LRP1B: variants seen among roughly 807,000 people sequenced by gnomAD.
LRP1B encodes the protein low-density lipoprotein receptor-related protein 1B.
Under a neutral mutation model 556.6 loss-of-function variants are expected in LRP1B, and 217 were observed. That is an observed-to-expected ratio of 0.39 (90% confidence interval 0.35 to 0.44). LRP1B has a LOEUF of 0.44. Among genes scored for constraint, LRP1B ranks in the 20% least tolerant of loss-of-function variants. The pLI is 1.00. For missense variants in LRP1B, 5,053 were observed against 5,620.8 expected, an observed-to-expected ratio of 0.90 and a Z score of 3.23; for synonymous variants, 2,047 against 1,865.8, an observed-to-expected ratio of 1.10 and a Z score of -2.50.
chr2:141,865,622 A>G (rs1288348841), intron 1 of LRP1B, among the ~76,000 whole-genome samples: 4 of 151,802 alleles, frequency 2.6e-5, no homozygotes, highest in Admixed American at 2.6e-4. Context: ...AAAAAAAAGA[A>G]AAAAAGACAG....
At chr2:142,025,360 G>T (rs1703469293) in intron 1 of LRP1B, among the ~76,000 whole-genome samples, 1 of 152,164 alleles carries the variant, frequency 6.6e-6, no homozygotes, top group East Asian at 1.9e-4. Context: ...ACACTTTCAA[G>T]TCAGACCATG....
At chr2:140,816,801 T>C (rs988900986) in intron 31 of LRP1B, among the ~76,000 whole-genome samples, 29 of 152,210 alleles carry the variant, frequency 1.9e-4, no homozygotes, top group Non-Finnish European at 4.3e-4. Flanking sequence ...AATATAGATA[T>C]ATATAGAAGT....
chr2:141,135,791 A>T (rs945013756), intron 7 of LRP1B, among the ~76,000 whole-genome samples: 8 of 151,918 alleles, frequency 5.3e-5, no homozygotes, highest in Admixed American at 1.3e-4. Context: ...CAGTTACAAT[A>T]TTTTAAATCA....
chr2:141,256,229 G>A (rs976625900), intron 3 of LRP1B, among the ~76,000 whole-genome samples: 1 of 151,966 alleles, frequency 6.6e-6, no homozygotes. Flanking sequence ...AAGTATGAGA[G>A]TTTGGATAGA....
intron 37 of LRP1B, among the ~76,000 whole-genome samples, chr2:140,709,780 T>C (rs1324615972): frequency 2.6e-5 from 4 of 152,094 alleles, no homozygotes; most frequent in Non-Finnish European, 4.4e-5. Flanking sequence ...TCCTATGATA[T>C]AAATTTTGAC....
intron 35 of LRP1B, among the ~76,000 whole-genome samples, chr2:140,764,195 T>C (rs865800927): frequency 1.3e-5 from 2 of 152,256 alleles, no homozygotes; most frequent in Middle Eastern, 3.4e-3. Context: ...CTCATTTGAG[T>C]GTCACTATCT....
chr2:141,277,925 T>G (rs1482496112), intron 3 of LRP1B, among the ~76,000 whole-genome samples: 1 of 152,054 alleles, frequency 6.6e-6, no homozygotes, highest in Non-Finnish European at 1.5e-5. Context: ...AATCCCAAAA[T>G]AAAATACAAT....
chr2:140,238,183 A>G lies in LRP1B; in HGVS notation c.13529T>C (p.Leu4510Ser). The G allele has an allele frequency of 6.2e-7, 1 of 1,605,004 alleles. No homozygotes were observed. The highest frequency in any genetic ancestry group is 8.5e-7 in the Non-Finnish European group (1 of 1,174,424). Residue 4510 changes from leucine to serine, a missense_variant, in exon 89 of 91, where the codon TTA becomes TCA. Leu to Ser is a moderately radical substitution (Grantham distance 145, BLOSUM62 -2). Coordinates refer to ENST00000389484, the MANE Select transcript of LRP1B (RefSeq NM_018557.3). ...VDHDHNDGGL[L>S]DPGFMIDPTK... ...TGGGTCTATCATAAAGCCAGGATCT[A>G]AAAGACCTCCATCGTTGTGATCATG...
intron 3 of LRP1B, among the ~76,000 whole-genome samples, chr2:141,256,391 G>A (rs1465308723): frequency 2.0e-5 from 3 of 151,906 alleles, no homozygotes; most frequent in East Asian, 1.9e-4. Context: ...AAATGAGAGC[G>A]AGACTGGAAT....
chr2:141,924,927 G>C (rs575583750), intron 1 of LRP1B, among the ~76,000 whole-genome samples: 4 of 152,246 alleles, frequency 2.6e-5, no homozygotes, highest in African/African-American at 9.6e-5. Context: ...TTTCCTCAGA[G>C]AATGGAAGGT....
chr2:141,221,529 TAAAAC>T (rs1043813799), intron 6 of LRP1B, among the ~76,000 whole-genome samples: 7 of 151,560 alleles, frequency 4.6e-5, no homozygotes, highest in Non-Finnish European at 1.0e-4. Context: ...CAGATTGAGA[TAAAAC>T]AAAGACATTC....
At chr2:141,900,595 G>A (rs1303994688) in intron 1 of LRP1B, among the ~76,000 whole-genome samples, 1 of 151,888 alleles carries the variant, frequency 6.6e-6, no homozygotes, top group Non-Finnish European at 1.5e-5. Context: ...TTTACTCATT[G>A]CCATGCCTGT....
At chr2:141,491,801 T>C (rs1466654390) in intron 2 of LRP1B, among the ~76,000 whole-genome samples, 1 of 152,146 alleles carries the variant, frequency 6.6e-6, no homozygotes, top group Admixed American at 6.6e-5. Context: ...CACAGAGATA[T>C]TGCTATTGGC....
chr2:142,032,975 A>AC (rs1703757691), intron 1 of LRP1B, among the ~76,000 whole-genome samples: 1 of 151,712 alleles, frequency 6.6e-6, no homozygotes, highest in Non-Finnish European at 1.5e-5. Context: ...CTCCCACAAT[A>AC]CCACTTGCCC....
At chr2:141,440,035 A>G (rs1680903031) in intron 3 of LRP1B, among the ~76,000 whole-genome samples, 1 of 152,198 alleles carries the variant, frequency 6.6e-6, no homozygotes, top group South Asian at 2.1e-4. Context: ...GGTCGACAAC[A>G]CATAACAGCA....
chr2:141,676,294 A>G (rs1356061783), intron 2 of LRP1B, among the ~76,000 whole-genome samples: 1 of 152,114 alleles, frequency 6.6e-6, no homozygotes, highest in African/African-American at 2.4e-5. Context: ...AAATCAATAC[A>G]TGTTTATAGA....
chr2:141,129,200 AAAT>A (rs1285294693), intron 7 of LRP1B, among the ~76,000 whole-genome samples: 22 of 152,300 alleles, frequency 1.4e-4, no homozygotes, highest in Non-Finnish European at 2.8e-4. Flanking sequence ...GAATAACTTA[AAAT>A]AATTTCTGAA....
At chr2:140,965,386 A>G (rs1696174930) in intron 18 of LRP1B, among the ~76,000 whole-genome samples, 1 of 151,682 alleles carries the variant, frequency 6.6e-6, no homozygotes, top group South Asian at 2.1e-4. Flanking sequence ...GAAAAATGAT[A>G]CCTCCACATG....
chr2:141,441,385 G>C (rs1428008851), intron 3 of LRP1B, among the ~76,000 whole-genome samples: 2 of 152,054 alleles, frequency 1.3e-5, no homozygotes, highest in Non-Finnish European at 2.9e-5. Flanking sequence ...GCCAGCCCTG[G>C]GTTTTATTAT....
Sources: gnomAD v4.1 joint callset for allele counts (sites outside exome capture counted in the v4.1 genomes callset) on GRCh38, gnomAD v4.1.1 for gene constraint, MANE v1.5 for transcripts, NCBI Gene and HGNC (gene_info 2026-07-23, HGNC 2026-07-21) for gene names.